EYS: variants seen among roughly 807,000 people sequenced by gnomAD.
EYS encodes the protein EGF-like photoreceptor maintenance factor, also known as protein eyes shut homolog.
In EYS, 250 loss-of-function variants were observed where a neutral mutation model predicts 282.1. The observed-to-expected ratio is 0.89, with a 90% CI of 0.80 to 0.98. The LOEUF is 0.98. Among genes scored for constraint, EYS ranks in the 50% least tolerant of loss-of-function variants. The pLI, the probability that EYS is intolerant of heterozygous loss-of-function variation, is 0.00. For synonymous variants in EYS, 1,355 were observed against 1,282.9 expected (o/e 1.06, Z -1.20); for missense variants, 4,016 against 3,709.0 (o/e 1.08, Z -2.15).
chr6:63,929,248 A>T (rs1041633218), intron 35 of EYS, among the ~76,000 whole-genome samples: 2 of 152,216 alleles, frequency 1.3e-5, no homozygotes, highest in South Asian at 4.1e-4. Flanking sequence ...AGGAAATCTA[A>T]CAAAAACCAA....
intron 26 of EYS, among the ~76,000 whole-genome samples, chr6:64,530,572 A>G (rs1470157285): frequency 6.6e-6 from 1 of 152,088 alleles, no homozygotes; most frequent in Non-Finnish European, 1.5e-5. Context: ...ACATGATATT[A>G]CTGTGAGGTT....
chr6:64,931,738 C>T (rs1027004571), intron 15 of EYS, among the ~76,000 whole-genome samples: 1 of 151,928 alleles, frequency 6.6e-6, no homozygotes, highest in African/African-American at 2.4e-5. Flanking sequence ...TCACCATAAC[C>T]CTGAGACATT....
intron 28 of EYS, among the ~76,000 whole-genome samples, chr6:64,414,046 A>C (rs973462291): frequency 4.6e-5 from 7 of 152,154 alleles, no homozygotes; most frequent in African/African-American, 1.4e-4. Flanking sequence ...TGTACTTCCT[A>C]GCCTTCAGAA....
At chr6:64,753,617 C>CA (rs966254423) in intron 22 of EYS, among the ~76,000 whole-genome samples, 5 of 150,474 alleles carry the variant, frequency 3.3e-5, no homozygotes, top group Non-Finnish European at 5.9e-5. Context: ...CAGATTCATA[C>CA]AAAAAATGCT....
At chr6:64,723,980 C>T (rs1771671669) in intron 22 of EYS, among the ~76,000 whole-genome samples, 1 of 152,182 alleles carries the variant, frequency 6.6e-6, no homozygotes, top group Non-Finnish European at 1.5e-5. Flanking sequence ...CTGGTGGTCC[C>T]ACTTCTATCA....
chr6:64,322,019 T>C (rs1416537668), intron 29 of EYS, among the ~76,000 whole-genome samples: 1 of 152,000 alleles, frequency 6.6e-6, no homozygotes, highest in Non-Finnish European at 1.5e-5. Flanking sequence ...AGAAGTAAAC[T>C]AGAAAGTGGG....
chr6:64,094,115 A>G (rs1772485573), intron 31 of EYS, among the ~76,000 whole-genome samples: 1 of 152,076 alleles, frequency 6.6e-6, no homozygotes, highest in Non-Finnish European at 1.5e-5. Flanking sequence ...CCACTTGATC[A>G]TGGTGGATAA....
intron 29 of EYS, among the ~76,000 whole-genome samples, chr6:64,366,704 G>A (rs1466169456): frequency 6.6e-6 from 1 of 151,976 alleles, no homozygotes; most frequent in African/African-American, 2.4e-5. Flanking sequence ...AGAGAACAGG[G>A]ATCCTGAGTG....
At chr6:64,635,562 T>C (rs1444828641) in intron 22 of EYS, among the ~76,000 whole-genome samples, 1 of 152,250 alleles carries the variant, frequency 6.6e-6, no homozygotes, top group Non-Finnish European at 1.5e-5. Flanking sequence ...AAAGGCCTTC[T>C]CTGCATCTAT....
intron 26 of EYS, among the ~76,000 whole-genome samples, chr6:64,573,782 G>T (rs934250828): frequency 5.9e-5 from 9 of 152,188 alleles, no homozygotes; most frequent in African/African-American, 1.2e-4. Flanking sequence ...AACAACAGAT[G>T]CTGGCGAAGT....
chr6:64,587,965 T>C (rs1009345228), intron 26 of EYS, among the ~76,000 whole-genome samples: 2 of 151,980 alleles, frequency 1.3e-5, no homozygotes, highest in Non-Finnish European at 2.9e-5. Flanking sequence ...CTGGAACAAT[T>C]GTATCACCAA....
chr6:64,099,805 G>T (rs1772763755), intron 31 of EYS, among the ~76,000 whole-genome samples: 1 of 152,040 alleles, frequency 6.6e-6, no homozygotes. Context: ...AACCATAAAG[G>T]AGCATGCTGA....
At chr6:64,451,854 T>C (rs1449987396) in intron 26 of EYS, among the ~76,000 whole-genome samples, 3 of 152,212 alleles carry the variant, frequency 2.0e-5, no homozygotes, top group African/African-American at 7.2e-5. Flanking sequence ...TGATGGGACG[T>C]ATCTCAAAAT....
chr6:65,463,772 C>G (rs1231044101), intron 5 of EYS, among the ~76,000 whole-genome samples: 2 of 152,152 alleles, frequency 1.3e-5, no homozygotes, highest in East Asian at 3.9e-4. Context: ...AGATATACTT[C>G]AAGTTCCCTC....
At chr6:63,777,867 T>C (rs1318136669) in intron 40 of EYS, 139 bp downstream of exon 40, 2 of 807,968 alleles carry the variant, frequency 2.5e-6, no homozygotes, top group Non-Finnish European at 4.0e-6. Flanking sequence ...CCTCCCATCA[T>C]GTAACAAGTC....
intron 5 of EYS, among the ~76,000 whole-genome samples, chr6:65,463,820 C>T (rs1471577456): frequency 6.6e-6 from 1 of 152,074 alleles, no homozygotes; most frequent in Non-Finnish European, 1.5e-5. Context: ...TATTGGAGTG[C>T]TAAGCATGTG....
At position 64,298,001 on chromosome 6, in the gene EYS, T is replaced by TAAAAAAAAAAAAAAAAAAAAAAAA. The variant is rs1769097836; in HGVS notation, c.6191+8968_6191+8969insTTTTTTTTTTTTTTTTTTTTTTTT. ...TCAAAAAAAAAAAAAAAAAAAAAAT[T>TAAAAAAAAAAAAAAAAAAAAAAAA]AGGTAGAAATTAAGACATTCCCAGA... On this transcript the variant is annotated intron_variant, in intron 30 of 42. Transcript: ENST00000503581. Among the ~76,000 whole-genome samples the TAAAAAAAAAAAAAAAAAAAAAAAA allele has an allele frequency of 1.2e-4, 16 of 134,018 alleles. 1 individual carries two copies. Among genetic ancestry groups the TAAAAAAAAAAAAAAAAAAAAAAAA allele is most frequent in the African/African-American group, 4.8e-4 (16 of 33,408 alleles). The allele number at this position is 134,018 out of a possible 152,430, so 87.9% of individuals were successfully genotyped here.
chr6:65,209,252 G>T (rs1384966148), intron 12 of EYS, among the ~76,000 whole-genome samples: 1 of 145,878 alleles, frequency 6.9e-6, no homozygotes, highest in African/African-American at 2.5e-5. Flanking sequence ...GTGTGGGGAA[G>T]TTTTTTTTTT....
At chr6:64,391,290 C>G (rs945877175) in intron 28 of EYS, among the ~76,000 whole-genome samples, 2 of 151,728 alleles carry the variant, frequency 1.3e-5, no homozygotes, top group African/African-American at 2.4e-5. Context: ...CAAAGATACT[C>G]CTCGAGAAGA....
Sources: allele counts gnomAD v4.1 joint callset (sites outside exome capture counted in the v4.1 genomes callset), GRCh38; gene constraint gnomAD v4.1.1; transcripts MANE v1.5; gene names NCBI Gene and HGNC (gene_info 2026-07-23, HGNC 2026-07-21).